CSMD3: variants seen among roughly 807,000 people sequenced by gnomAD.
The protein encoded by CSMD3 is CUB and Sushi multiple domains 3.
In CSMD3, 177 loss-of-function variants were observed where a neutral mutation model predicts 435.2. The observed-to-expected ratio is 0.41, with a 90% CI of 0.36 to 0.46. CSMD3 has a LOEUF of 0.46. Among genes scored for constraint, CSMD3 ranks in the 20% least tolerant of loss-of-function variants. The pLI, the probability that CSMD3 is intolerant of heterozygous loss-of-function variation, is 0.34. For missense variants in CSMD3, 4,265 were observed against 4,504.6 expected (o/e 0.95, Z 1.52); for synonymous variants, 1,656 against 1,520.5 (o/e 1.09, Z -2.07).
intron 3 of CSMD3, among the ~76,000 whole-genome samples, chr8:113,227,242 C>T (rs1410721287): frequency 6.6e-6 from 1 of 151,434 alleles, no homozygotes; most frequent in Admixed American, 6.6e-5. Flanking sequence ...ATAGTAATTT[C>T]TCCTGTAAAA....
rs1387337962 is a variant in CSMD3, at chr8:112,255,393, T to C, written c.9897A>G (p.Gln3299=). 1.2e-6 allele frequency: 2 copies of C among 1,613,716 alleles called. No individual in the cohort carries two copies. The highest frequency in any genetic ancestry group is 4.5e-5 in the East Asian group (2 of 44,834). The change falls in exon 62 of 71, where the codon CAA becomes CAG. Residue 3299 remains glutamine (Q), a synonymous_variant. Coordinates refer to ENST00000297405, the MANE Select transcript of CSMD3 (RefSeq NM_198123.2). ...KFCGDPGIPA[Q]GKREGKSFIY... is the part of the protein sequence containing the mutation. ...TAAAGCTTTTGCCTTCTCTTTTTCC[T>C]TGGGCAGGTATACCAGGGTCACCAC...
Position 112,587,135 on chromosome 8 carries a change from C to T in CSMD3, c.3816G>A (p.Gln1272=), listed in dbSNP as rs1230041164. The change falls in exon 23 of 71, where the codon CAG becomes CAA. Residue 1272 remains glutamine (Q), a synonymous_variant. Coordinates refer to ENST00000297405, the MANE Select transcript of CSMD3 (RefSeq NM_198123.2). The stretch of plus-strand genomic sequence containing the variant: ...TATTGATTCCCTTTCCTGCTTGAAC[C>T]TGAATACTATAAATGCATTCATGGT... ...ENNHECIYSI[Q]VQAGKGINIS... 1.2e-6 allele frequency: 2 copies of T among 1,609,690 alleles called. No individual in the cohort carries two copies. Among genetic ancestry groups the T allele is most frequent in the Non-Finnish European group, 1.7e-6 (2 of 1,176,814 alleles).
At chr8:112,513,051 C>A (rs1484842485) in intron 28 of CSMD3, among the ~76,000 whole-genome samples, 1 of 152,140 alleles carries the variant, frequency 6.6e-6, no homozygotes. Flanking sequence ...TAGGTTTTGG[C>A]TTATGGGAAT....
At chr8:113,376,193 T>C (rs1193522259) in intron 1 of CSMD3, among the ~76,000 whole-genome samples, 1 of 152,148 alleles carries the variant, frequency 6.6e-6, no homozygotes, top group South Asian at 2.1e-4. Context: ...GCAGGATATA[T>C]ATATTTAAAA....
chr8:113,420,599 A>G (rs1200329850), intron 1 of CSMD3, among the ~76,000 whole-genome samples: 1 of 152,160 alleles, frequency 6.6e-6, no homozygotes, highest in Non-Finnish European at 1.5e-5. Flanking sequence ...ACTATGGGTT[A>G]AAACAAAAAT....
intron 17 of CSMD3, among the ~76,000 whole-genome samples, chr8:112,661,004 A>G (rs1193966909): frequency 6.6e-6 from 1 of 152,136 alleles, no homozygotes; most frequent in African/African-American, 2.4e-5. Context: ...TGTAGGAAAC[A>G]TTCCTCACCC....
At chr8:112,685,353 C>T in intron 15 of CSMD3, 53 bp downstream of exon 15, 3 of 1,474,076 alleles carry the variant, frequency 2.0e-6, no homozygotes, top group Non-Finnish European at 2.8e-6. Flanking sequence ...CACTTTTCAA[C>T]TCAAATTTAT....
intron 13 of CSMD3, among the ~76,000 whole-genome samples, chr8:112,771,573 T>A (rs933479772): frequency 2.6e-5 from 4 of 151,700 alleles, no homozygotes; most frequent in Non-Finnish European, 5.9e-5. Context: ...AAAAGTAAAG[T>A]GTTTGGGATT....
intron 10 of CSMD3, among the ~76,000 whole-genome samples, chr8:112,894,550 G>A (rs965225869): frequency 6.6e-6 from 1 of 151,184 alleles, no homozygotes; most frequent in Non-Finnish European, 1.5e-5. Flanking sequence ...AATAGAAAAT[G>A]AAATTAATAA....
chr8:113,301,511 G>T (rs1729713603), intron 2 of CSMD3, among the ~76,000 whole-genome samples: 1 of 151,608 alleles, frequency 6.6e-6, no homozygotes, highest in South Asian at 2.1e-4. Context: ...ATGAAATGAG[G>T]TTGCTGATTA....
At chr8:112,549,869 G>A (rs1006330952) in intron 27 of CSMD3, among the ~76,000 whole-genome samples, 1 of 151,956 alleles carries the variant, frequency 6.6e-6, no homozygotes, top group Non-Finnish European at 1.5e-5. Context: ...CATTTGAAGA[G>A]TACTGGTTTT....
chr8:113,087,404 A>C (rs1033505253), intron 5 of CSMD3, among the ~76,000 whole-genome samples: 1 of 152,118 alleles, frequency 6.6e-6, no homozygotes, highest in Admixed American at 6.6e-5. Flanking sequence ...CACCAAGTCA[A>C]TCCTAAGCCA....
chr8:112,974,097 T>C (rs1437943868), intron 7 of CSMD3, among the ~76,000 whole-genome samples: 13 of 151,882 alleles, frequency 8.6e-5, no homozygotes, highest in Non-Finnish European at 1.6e-4. Flanking sequence ...ATGATAATAA[T>C]GGAGAAAGTT....
intron 61 of CSMD3, among the ~76,000 whole-genome samples, chr8:112,263,216 A>T (rs1176599317): frequency 6.6e-6 from 1 of 152,030 alleles, no homozygotes; most frequent in South Asian, 2.1e-4. Context: ...TTTTAGATGT[A>T]AAATCCCAAT....
chr8:113,041,546 C>G (rs1206433943), intron 5 of CSMD3, among the ~76,000 whole-genome samples: 3 of 152,028 alleles, frequency 2.0e-5, no homozygotes, highest in Non-Finnish European at 4.4e-5. Context: ...GAGGTTTTTG[C>G]TCACCATCAG....
chr8:112,623,020 C>T (rs996761280), intron 22 of CSMD3, among the ~76,000 whole-genome samples: 2 of 152,012 alleles, frequency 1.3e-5, no homozygotes, highest in African/African-American at 2.4e-5. Flanking sequence ...TATTACAGGG[C>T]TGCTGTTCAT....
At chr8:112,430,455 G>A (rs968203884) in intron 32 of CSMD3, among the ~76,000 whole-genome samples, 4 of 151,926 alleles carry the variant, frequency 2.6e-5, no homozygotes, top group Non-Finnish European at 5.9e-5. Flanking sequence ...AAGCATGTGC[G>A]AATCCTCAAC....
intron 10 of CSMD3, among the ~76,000 whole-genome samples, chr8:112,910,981 C>T (rs1247712384): frequency 6.6e-6 from 1 of 151,888 alleles, no homozygotes; most frequent in Non-Finnish European, 1.5e-5. Flanking sequence ...GGTATCATGA[C>T]ACCATTCTCT....
At chr8:112,419,758 T>G (rs1812284338) in intron 32 of CSMD3, among the ~76,000 whole-genome samples, 1 of 152,196 alleles carries the variant, frequency 6.6e-6, no homozygotes, top group Admixed American at 6.5e-5. Flanking sequence ...TATAGTTTAA[T>G]TTTCTTTAAT....
Sources: allele counts gnomAD v4.1 joint callset (sites outside exome capture counted in the v4.1 genomes callset), GRCh38; gene constraint gnomAD v4.1.1; transcripts MANE v1.5; gene names NCBI Gene and HGNC (gene_info 2026-07-23, HGNC 2026-07-21).